CHIT1: variants seen among roughly 807,000 people sequenced by gnomAD.
The protein encoded by CHIT1 is chitinase 1.
A neutral mutation model predicts 52.0 loss-of-function variants in CHIT1; 47 were observed. That is an observed-to-expected ratio of 0.90 (90% confidence interval 0.71 to 1.15). The LOEUF (loss-of-function observed/expected upper bound fraction) is 1.15. CHIT1 is among the 50% of genes most tolerant of loss of function. The pLI, the probability that CHIT1 is intolerant of heterozygous loss-of-function variation, is 0.00. For missense variants in CHIT1, 569 were observed against 583.0 expected (o/e 0.98, Z 0.25); for synonymous variants, 242 against 228.2 (o/e 1.06, Z -0.54).
intron 3 of CHIT1, 147 bp downstream of exon 3, chr1:203,225,522 A>G (rs982812401): frequency 1.2e-6 from 1 of 800,612 alleles, no homozygotes. Flanking sequence ...TAAGCACAGG[A>G]GAGCCCAGAG....
chr1:203,229,494 C>G, intron 1 of CHIT1, 118 bp downstream of exon 1: 1 of 1,177,858 alleles, frequency 8.5e-7, no homozygotes, highest in Middle Eastern at 1.9e-4. Context: ...TAAAATGACC[C>G]TCTGAAGTTC....
intron 2 of CHIT1, among the ~76,000 whole-genome samples, chr1:203,228,142 C>T (rs1275385950): frequency 6.6e-6 from 1 of 152,204 alleles, no homozygotes; most frequent in African/African-American, 2.4e-5. Flanking sequence ...GACTTAGGTT[C>T]CTTACCTGCA....
chr1:203,218,353 G>A (rs1328987613), intron 9 of CHIT1, among the ~76,000 whole-genome samples: 1 of 152,124 alleles, frequency 6.6e-6, no homozygotes, highest in Non-Finnish European at 1.5e-5. Context: ...AGATTCCTGA[G>A]GCTTCCTGAG....
chr1:203,223,691 G>A, intron 4 of CHIT1, 31 bp from the exon 5 acceptor site: 4 of 1,612,772 alleles, frequency 2.5e-6, no homozygotes, highest in Non-Finnish European at 3.4e-6. Context: ...GTAAGGGCCG[G>A]CCTTGGACCA....
At chr1:203,225,554 G>T in intron 3 of CHIT1, 115 bp downstream of exon 3, 2 of 1,087,248 alleles carry the variant, frequency 1.8e-6, no homozygotes, top group Non-Finnish European at 2.8e-6. Flanking sequence ...CTTGCCCAAA[G>T]CCACACAGTG....
In CHIT1 at chr1:203,222,183, GCCCTCCTGCCA is replaced by G. The variant is rs1324538749; in HGVS notation, c.729+8_729+18del. On this transcript the variant is annotated splice_region_variant and intron_variant, in intron 7 of 10. Transcript: ENST00000367229. The stretch of plus-strand genomic sequence containing the variant: ...TGCTGGACAGGGGAGTCCTGCCTCA[GCCCTCCTGCCA>G]CACGTACCACGTTGAGGCTGGCTGC... 26 of 1,613,354 alleles carry G rather than the reference GCCCTCCTGCCA, an allele frequency of 1.6e-5. No individual in the cohort carries two copies. The highest frequency in any genetic ancestry group is 2.0e-5 in the Non-Finnish European group (24 of 1,180,022).
rs572827374 is a variant in CHIT1, at chr1:203,223,573, G to C, written c.402C>G (p.Gly134=). ...CTGGGTACTCCCAGTCAAGGTCAAGGCCGTCAAAGCTGTATTTGCGCAGAA... is the reference window on the plus strand; with the variant it reads ...CTGGGTACTCCCAGTCAAGGTCAAGCCCGTCAAAGCTGTATTTGCGCAGAA... The part of the protein sequence containing the change: ...IRFLRKYSFD[G]LDLDWEYPGS... Residue 134 remains glycine, a synonymous_variant, in exon 5 of 11, where the codon GGC becomes GGG. Coordinates refer to ENST00000367229, the MANE Select transcript of CHIT1 (RefSeq NM_003465.3). The C allele has an allele frequency of 1.2e-6, 2 of 1,614,186 alleles. No homozygotes were observed. The highest frequency in any genetic ancestry group is 1.1e-5 in the South Asian group (1 of 91,084).
chr1:203,229,498 G>T, intron 1 of CHIT1, 114 bp downstream of exon 1: 1 of 1,232,822 alleles, frequency 8.1e-7, no homozygotes. Context: ...ATGACCCTCT[G>T]AAGTTCTCCT....
intron 1 of CHIT1, among the ~76,000 whole-genome samples, chr1:203,229,322 G>A (rs994375545): frequency 1.3e-5 from 2 of 152,284 alleles, no homozygotes; most frequent in African/African-American, 4.8e-5. Flanking sequence ...GGGCCTCATT[G>A]ACTCTGGGCT....
intron 7 of CHIT1, 36 bp from the exon 8 acceptor site, chr1:203,219,885 T>C (rs553833049): frequency 1.9e-6 from 3 of 1,608,698 alleles, no homozygotes; most frequent in East Asian, 4.5e-5. Context: ...TTCTCAGCCC[T>C]CAGCCTGGTT....
Position 203,223,512 on chromosome 1 carries a change from AGCGCTCCTTGTCTACG to A in CHIT1, c.447_462del (p.Val150SerfsTer26). On this transcript the variant is annotated frameshift_variant, in exon 5 of 11. Coordinates refer to ENST00000367229, the MANE Select transcript of CHIT1 (RefSeq NM_003465.3). LOFTEE classifies it high-confidence loss of function. ...AGCCATACCTGTACCAGGGTTGTGA[AGCGCTCCTTGTCTACG>A]GCAGGGCTCCCCTGGCTTCCTGGGT... The A allele has an allele frequency of 6.8e-6, 11 of 1,614,196 alleles. No individual in the cohort carries two copies. Among genetic ancestry groups the A allele is most frequent in the Non-Finnish European group, 9.3e-6 (11 of 1,180,026 alleles).
intron 8 of CHIT1, 103 bp downstream of exon 8, chr1:203,219,561 G>A: frequency 7.4e-7 from 1 of 1,350,208 alleles, no homozygotes; most frequent in Non-Finnish European, 1.1e-6. Context: ...AGAATTCTCT[G>A]CAATTGGCAT....
rs1444545685 is a variant in CHIT1, at chr1:203,225,043, C to T, written c.314+5G>A. 1.2e-6 allele frequency: 2 copies of T among 1,613,698 alleles called. No homozygotes were observed. Among genetic ancestry groups the T allele is most frequent in the South Asian group, 1.1e-5 (1 of 91,074 alleles). On this transcript the variant is annotated splice_donor_5th_base_variant and intron_variant, in intron 4 of 10. Coordinates refer to ENST00000367229, the MANE Select transcript of CHIT1 (RefSeq NM_003465.3). ...TTACCACACAGGTGACCACAGTCAA[C>T]TAACTTCTGAGTGCCGAAATTCCAG...
intron 5 of CHIT1, 34 bp from the exon 6 acceptor site, chr1:203,223,293 C>A: frequency 1.2e-6 from 2 of 1,613,132 alleles, no homozygotes; most frequent in South Asian, 2.2e-5. Flanking sequence ...AACACAGGGG[C>A]GCGCACCAGG....
upstream of CHIT1, chr1:203,229,735 T>G (rs1275994238): frequency 6.9e-7 from 1 of 1,446,382 alleles, no homozygotes; most frequent in Admixed American, 1.8e-5. Context: ...CCAGGAGTGT[T>G]GCAATCAGGG....
intron 3 of CHIT1, 24 bp downstream of exon 3, chr1:203,225,645 C>A (rs1224824500): frequency 1.2e-6 from 2 of 1,608,766 alleles, no homozygotes; most frequent in East Asian, 2.2e-5. Flanking sequence ...ATCCCACCCA[C>A]CCTGCTCCTC....
At position 203,225,784 on chromosome 1, in the gene CHIT1, G is replaced by A. The variant is rs775570731; in HGVS notation, c.142C>T (p.Pro48Ser). ...TAGATGAGGTGGGTGCAAAGGCTGG[G>A]GTCCAAGTCCTTGGGCAGGAAGCGA... ...EARFLPKDLD[P>S]SLCTHLIYAF... The change falls in exon 3 of 11, where the codon CCC becomes TCC. Residue 48 changes from proline (P) to serine (S), a missense_variant. By Grantham distance (74) the Pro-to-Ser change is moderately conservative (BLOSUM62 -1). Transcript: ENST00000367229. 1.2e-6 allele frequency: 2 copies of A among 1,614,078 alleles called. No individual in the cohort carries two copies. Among genetic ancestry groups the A allele is most frequent in the South Asian group, 1.1e-5 (1 of 91,072 alleles).
rs752277107 is a variant in CHIT1, at chr1:203,223,209, G to A, written c.531C>T (p.Arg177=). The A allele has an allele frequency of 3.1e-6, 5 of 1,614,116 alleles. No individual in the cohort carries two copies. Among genetic ancestry groups the A allele is most frequent in the Admixed American group, 1.7e-5 (1 of 60,008 alleles). Residue 177 remains arginine, a synonymous_variant, in exon 6 of 11, where the codon CGC becomes CGT. Transcript: ENST00000367229. ...CTGGAACCGCTGCACTCAGAAGAAG[G>A]CGTTCCTTCCCTGAGGTCTGGGCTT... The part of the protein sequence containing the change: ...QQEAQTSGKE[R]LLLSAAVPAG...
intron 1 of CHIT1, among the ~76,000 whole-genome samples, chr1:203,229,384 C>T (rs556700626): frequency 2.6e-5 from 4 of 152,288 alleles, no homozygotes; most frequent in South Asian, 4.1e-4. Flanking sequence ...TGAGAAAAGC[C>T]TTCCCTTGCA....
Sources: allele counts gnomAD v4.1 joint callset (sites outside exome capture counted in the v4.1 genomes callset), GRCh38; gene constraint gnomAD v4.1.1; transcripts MANE v1.5; gene names NCBI Gene and HGNC (gene_info 2026-07-23, HGNC 2026-07-21).